SRP54: variants seen among roughly 807,000 people sequenced by gnomAD.
SRP54 encodes signal recognition particle 54.
Under a neutral mutation model 64.8 loss-of-function variants are expected in SRP54, and 10 were observed. That is an observed-to-expected ratio of 0.15 (90% CI 0.10 to 0.26). The LOEUF (loss-of-function observed/expected upper bound fraction) is 0.26, where lower values mean the gene tolerates loss of function less well. SRP54 is among the 10% of genes least tolerant of loss of function. SRP54 has a pLI of 1.00. For synonymous variants in SRP54, 193 were observed against 185.6 expected, an observed-to-expected ratio of 1.04 and a Z score of -0.32; for missense variants, 325 against 613.7, an observed-to-expected ratio of 0.53 and a Z score of 4.97.
intron 2 of SRP54, among the ~76,000 whole-genome samples, chr14:34,999,001 GTGTGTGTGTGTGGTTTT>G (rs1566645552): frequency 3.1e-5 from 3 of 96,994 alleles, no homozygotes; most frequent in African/African-American, 1.1e-4. Flanking sequence ...GTGTGTGTGT[GTGTGTGTGTGTGGTTTT>G]TTTTTTTTTT....
chr14:35,023,856 G>A (rs1484307548), intron 14 of SRP54, among the ~76,000 whole-genome samples: 1 of 151,214 alleles, frequency 6.6e-6, no homozygotes, highest in Non-Finnish European at 1.5e-5. Flanking sequence ...AGTTATGCAT[G>A]TATCTTTGTC....
chr14:34,993,444 T>G (rs1179751465), intron 1 of SRP54: 2 of 152,286 alleles, frequency 1.3e-5, no homozygotes, highest in East Asian at 3.9e-4. Context: ...AATCTTATGG[T>G]AAGCAATTTT....
At chr14:34,995,156 T>TGTGTGTGG (rs1283655291) in intron 1 of SRP54, among the ~76,000 whole-genome samples, 2 of 127,498 alleles carry the variant, frequency 1.6e-5, no homozygotes, top group African/African-American at 5.4e-5. Context: ...TGTGTGTGTG[T>TGTGTGTGG]GTGTGTGTGT....
intron 1 of SRP54, among the ~76,000 whole-genome samples, chr14:34,995,134 G>GGTGTGTGTGTGTGTGTGTGT (rs35829734): frequency 4.3e-5 from 3 of 70,324 alleles, no homozygotes; most frequent in Non-Finnish European, 8.7e-5. Flanking sequence ...ATCAATAAAG[G>GGTGTGTGTGTGTGTGTGTGT]GTGTGTGTGT....
chr14:35,017,624 T>G (rs2044464711), intron 11 of SRP54, among the ~76,000 whole-genome samples: 10 of 152,242 alleles, frequency 6.6e-5, no homozygotes, highest in Admixed American at 6.5e-4. Flanking sequence ...CTTTAGGACA[T>G]AAATAGAAAA....
chr14:34,996,109 T>C (rs2044069619), intron 1 of SRP54, among the ~76,000 whole-genome samples: 1 of 151,726 alleles, frequency 6.6e-6, no homozygotes, highest in Non-Finnish European at 1.5e-5. Flanking sequence ...CTTTCCTTTG[T>C]GGTTAGAAGA....
At chr14:34,995,467 A>C (rs2044057891) in intron 1 of SRP54, among the ~76,000 whole-genome samples, 1 of 152,056 alleles carries the variant, frequency 6.6e-6, no homozygotes, top group Admixed American at 6.6e-5. Flanking sequence ...AGACAGGAGG[A>C]ATTCTCTCTT....
At chr14:34,988,560 CAAA>C (rs1160365086) in intron 1 of SRP54, among the ~76,000 whole-genome samples, 2 of 26,374 alleles carry the variant, frequency 7.6e-5, no homozygotes, top group Admixed American at 4.0e-4. Flanking sequence ...GACTCCATCT[CAAA>C]AAAAAAAAAA....
chr14:34,985,689 C>T (rs1190350756), intron 1 of SRP54, among the ~76,000 whole-genome samples: 10 of 152,224 alleles, frequency 6.6e-5, no homozygotes, highest in Non-Finnish European at 1.5e-5. Context: ...TTATTAAATA[C>T]TTAATATAGT....
At chr14:35,022,607 G>A (rs1040791678) in intron 13 of SRP54, among the ~76,000 whole-genome samples, 7 of 152,028 alleles carry the variant, frequency 4.6e-5, no homozygotes, top group African/African-American at 9.7e-5. Context: ...TGCCTGCCTC[G>A]GCCTCACAAA....
At chr14:35,014,586 C>T (rs914954846) in intron 10 of SRP54, among the ~76,000 whole-genome samples, 158 bp from the exon 11 acceptor site, 24 of 152,096 alleles carry the variant, frequency 1.6e-4, no homozygotes, top group African/African-American at 5.6e-4. Context: ...GGCCATGCCA[C>T]TTAACTTTCT....
intron 14 of SRP54, among the ~76,000 whole-genome samples, chr14:35,027,391 T>G (rs996588624): frequency 2.0e-5 from 3 of 152,076 alleles, no homozygotes; most frequent in Admixed American, 2.0e-4. Context: ...AATTAACCCA[T>G]GTCTATAAAC....
intron 13 of SRP54, among the ~76,000 whole-genome samples, chr14:35,020,129 G>C (rs2044503111): frequency 6.6e-6 from 1 of 152,192 alleles, no homozygotes; most frequent in Non-Finnish European, 1.5e-5. Context: ...AGGTTGCAGT[G>C]AGCCGAGATT....
intron 14 of SRP54, 200 bp from the exon 15 acceptor site, chr14:35,027,888 T>C: frequency 2.8e-6 from 1 of 359,770 alleles, no homozygotes. Context: ...GAATTTTACA[T>C]GGTCTTCAAA....
At chr14:34,986,263 TAA>T (rs1350177492) in intron 1 of SRP54, among the ~76,000 whole-genome samples, 1 of 152,216 alleles carries the variant, frequency 6.6e-6, no homozygotes, top group Non-Finnish European at 1.5e-5. Context: ...CTTCTTGATA[TAA>T]TTGAATATAA....
intron 4 of SRP54, among the ~76,000 whole-genome samples, chr14:35,002,698 G>C (rs1276524764): frequency 1.4e-5 from 2 of 147,192 alleles, no homozygotes; most frequent in Non-Finnish European, 3.0e-5. Context: ...GCCTCCCAAA[G>C]TGCTGGGACT....
At chr14:34,987,311 T>TACAC (rs139702663) in intron 1 of SRP54, among the ~76,000 whole-genome samples, 53,009 of 144,836 alleles carry the variant, frequency 0.37, 10,394 homozygotes, top group East Asian at 0.69. Flanking sequence ...ACATAATTCT[T>TACAC]AGTTCACCTA....
At chr14:35,010,675 G>A (rs1433722859) in intron 7 of SRP54, among the ~76,000 whole-genome samples, 1 of 151,952 alleles carries the variant, frequency 6.6e-6, no homozygotes, top group Non-Finnish European at 1.5e-5. Flanking sequence ...TGAGGCACGA[G>A]AATCCCTTGA....
At chr14:34,989,212 G>T (rs2043947992) in intron 1 of SRP54, among the ~76,000 whole-genome samples, 1 of 152,146 alleles carries the variant, frequency 6.6e-6, no homozygotes, top group Non-Finnish European at 1.5e-5. Flanking sequence ...TTAGAAGAAA[G>T]GACTTTTGGC....
Sources: allele counts gnomAD v4.1 joint callset (sites outside exome capture counted in the v4.1 genomes callset), GRCh38; gene constraint gnomAD v4.1.1; transcripts MANE v1.5; gene names NCBI Gene and HGNC (gene_info 2026-07-23, HGNC 2026-07-21).